PXK: variants seen among roughly 807,000 people sequenced by gnomAD.
PXK encodes the protein PX domain containing serine/threonine kinase like.
PXK carries 35 observed loss-of-function variants against 84.7 expected under a neutral mutation model. That is an observed-to-expected ratio of 0.41 (90% CI 0.32 to 0.55). PXK has a LOEUF of 0.55. Ranked by LOEUF, PXK falls within the 20% of genes least tolerant of loss-of-function variation. The probability of loss-of-function intolerance (pLI) is 0.21; values close to 1 mark genes in which losing one functional copy is unlikely to be tolerated. For missense variants in PXK, 634 were observed against 699.7 expected (o/e 0.91, Z 1.06); for synonymous variants, 253 against 260.8 (o/e 0.97, Z 0.29).
intron 17 of PXK, chr3:58,420,624 G>T: frequency 6.5e-7 from 1 of 1,535,716 alleles, no homozygotes; most frequent in Non-Finnish European, 8.7e-7. Flanking sequence ...TTCTGTGTGT[G>T]AAATAGGACC....
chr3:58,344,605 C>T (rs2097785853), intron 1 of PXK, among the ~76,000 whole-genome samples: 1 of 152,318 alleles, frequency 6.6e-6, no homozygotes, highest in East Asian at 1.9e-4. Context: ...GGGCAGATCA[C>T]CTGAGGCCAG....
intron 1 of PXK, among the ~76,000 whole-genome samples, chr3:58,354,973 G>A (rs2108167752): frequency 6.6e-6 from 1 of 152,098 alleles, no homozygotes. Context: ...GCAAAAATTA[G>A]CCAAGCATGG....
chr3:58,370,884 G>C lies in PXK; in HGVS notation c.201+1406G>C, dbSNP rs929375049. Among the ~76,000 whole-genome samples the C allele has an allele frequency of 6.6e-6, 1 of 152,154 alleles. No homozygotes were observed. Among genetic ancestry groups the C allele is most frequent in the African/African-American group, 2.4e-5 (1 of 41,422 alleles). ...TGTGGTGTGGGCGCCTGTAATCCCA[G>C]CTACTCAGGGGGCTGAGGCAGGAGA... On this transcript the variant is annotated intron_variant, in intron 3 of 17. Coordinates refer to ENST00000356151, the MANE Select transcript of PXK (RefSeq NM_017771.5). This position sits in a 1 kb window ranked among gnomAD's most constrained non-coding sequence, Gnocchi z 4.2.
intron 13 of PXK, 46 bp downstream of exon 13, chr3:58,403,956 G>C (rs1383580974): frequency 1.5e-6 from 2 of 1,302,592 alleles, no homozygotes; most frequent in Non-Finnish European, 1.0e-6. Context: ...TAACTAAGTT[G>C]ACTTTGAAAG....
intron 1 of PXK, among the ~76,000 whole-genome samples, chr3:58,341,224 A>G (rs945737562): frequency 6.6e-6 from 1 of 152,156 alleles, no homozygotes; most frequent in Non-Finnish European, 1.5e-5. Context: ...CTTGCTGACA[A>G]CCACATTTAG....
chr3:58,336,062 TATATATATA>T (rs1395529739), intron 1 of PXK, among the ~76,000 whole-genome samples: 50 of 58,098 alleles, frequency 8.6e-4, no homozygotes, highest in Admixed American at 3.0e-3. Context: ...TATATATATA[TATATATATA>T]TTTTTTTTTT....
intron 13 of PXK, among the ~76,000 whole-genome samples, chr3:58,405,901 G>T (rs1365672286): frequency 6.6e-6 from 1 of 152,138 alleles, no homozygotes; most frequent in African/African-American, 2.4e-5. Flanking sequence ...TCACAAAGAA[G>T]ATATCTCTGA....
intron 3 of PXK, among the ~76,000 whole-genome samples, chr3:58,374,568 G>A (rs1270223612): frequency 6.6e-6 from 1 of 152,160 alleles, no homozygotes. Flanking sequence ...AGGAACTCAA[G>A]AAGGGAATCC....
chr3:58,408,812 G>A (rs773365871), intron 13 of PXK, 112 bp from the exon 14 acceptor site: 18 of 793,694 alleles, frequency 2.3e-5, no homozygotes, highest in South Asian at 6.0e-5. Flanking sequence ...ATGAGCCACC[G>A]CGCCCGGCCG....
chr3:58,381,110 A>G (rs6445974), intron 3 of PXK, among the ~76,000 whole-genome samples: 114,603 of 151,806 alleles, frequency 0.75, 43,491 homozygotes, highest in South Asian at 0.82. Context: ...TTAGCTGGGC[A>G]TTGTGGCTGG....
intron 1 of PXK, among the ~76,000 whole-genome samples, chr3:58,351,395 TTGTGTGTGTGTGTGTGTGTGTG>T (rs57349140): frequency 4.5e-4 from 64 of 140,686 alleles, no homozygotes; most frequent in Non-Finnish European, 7.8e-4. Flanking sequence ...AGCTAGCTAT[TTGTGTGTGTGTGTGTGTGTGTG>T]TGTGTGTGTG....
At chr3:58,423,351 G>T in intron 17 of PXK, 1 of 1,475,558 alleles carries the variant, frequency 6.8e-7, no homozygotes, top group South Asian at 1.3e-5. Context: ...TAGAACCAAT[G>T]AACATGTTGG....
At chr3:58,365,806 T>C in intron 1 of PXK, 68 bp from the exon 2 acceptor site, 1 of 1,305,264 alleles carries the variant, frequency 7.7e-7, no homozygotes, top group Non-Finnish European at 1.1e-6. Flanking sequence ...AAACTTATTT[T>C]TGATTCCCTG....
intron 3 of PXK, among the ~76,000 whole-genome samples, chr3:58,374,891 T>C (rs1213177044): frequency 6.6e-6 from 1 of 152,186 alleles, no homozygotes; most frequent in Non-Finnish European, 1.5e-5. Flanking sequence ...GAATTTTTTT[T>C]GTGAGATCTT....
At chr3:58,351,395 TTGTGTGTGTGTGTGTGTGTG>T (rs57349140) in intron 1 of PXK, among the ~76,000 whole-genome samples, 7 of 140,582 alleles carry the variant, frequency 5.0e-5, no homozygotes, top group Non-Finnish European at 9.1e-5. Flanking sequence ...AGCTAGCTAT[TTGTGTGTGTGTGTGTGTGTG>T]TGTGTGTGTG....
At chr3:58,375,885 TA>T (rs1176934360) in intron 3 of PXK, among the ~76,000 whole-genome samples, 1 of 152,216 alleles carries the variant, frequency 6.6e-6, no homozygotes, top group Non-Finnish European at 1.5e-5. Flanking sequence ...ATTCTTTAAT[TA>T]CATTTTAATA....
chr3:58,388,878 A>T (rs143859574), intron 4 of PXK, among the ~76,000 whole-genome samples: 78 of 152,184 alleles, frequency 5.1e-4, no homozygotes, highest in Non-Finnish European at 1.1e-3. Context: ...TTTCTACTGA[A>T]TCCCTCATGC....
intron 3 of PXK, among the ~76,000 whole-genome samples, chr3:58,375,987 T>C (rs1434103325): frequency 6.6e-6 from 1 of 152,238 alleles, no homozygotes; most frequent in Non-Finnish European, 1.5e-5. Flanking sequence ...TATCTTGTTT[T>C]TATTAATCTT....
At position 58,412,418 on chromosome 3, in the gene PXK, C is replaced by G. The variant is rs1256586609; in HGVS notation, c.1466-483C>G. On this transcript the variant is annotated intron_variant, in intron 16 of 17. Coordinates refer to ENST00000356151, the MANE Select transcript of PXK (RefSeq NM_017771.5). The surrounding 1 kb of genome is among the most constrained non-coding windows in gnomAD (Gnocchi z 6.2). ...CATAAACTGAATAGACTGACCCTATCTAGTTGATTCTACCTGCTGATAAAA... is the reference window on the plus strand; with the variant it reads ...CATAAACTGAATAGACTGACCCTATGTAGTTGATTCTACCTGCTGATAAAA... 6.6e-6 allele frequency among the ~76,000 whole-genome samples: 1 copy of G among 152,126 alleles called. No individual in the cohort carries two copies.
Sources: allele counts gnomAD v4.1 joint callset (sites outside exome capture counted in the v4.1 genomes callset), GRCh38; gene constraint gnomAD v4.1.1; non-coding constraint Gnocchi (gnomAD v3.1); transcripts MANE v1.5; gene names NCBI Gene and HGNC (gene_info 2026-07-23, HGNC 2026-07-21).